ZNF236: variants seen among roughly 807,000 people sequenced by gnomAD.
The protein encoded by ZNF236 is zinc finger protein 236, also known as regulated by glucose.
ZNF236 carries 50 observed loss-of-function variants against 191.2 expected under a neutral mutation model. The observed-to-expected ratio is 0.26, with a 90% confidence interval of 0.21 to 0.33. The LOEUF is 0.33. Ranked by LOEUF, ZNF236 falls within the 10% of genes least tolerant of loss-of-function variation. The pLI, the probability that ZNF236 is intolerant of heterozygous loss-of-function variation, is 1.00. For synonymous variants in ZNF236, 907 were observed against 928.8 expected (o/e 0.98, Z 0.43); for missense variants, 1,754 against 2,374.5 (o/e 0.74, Z 5.43).
intron 7 of ZNF236, among the ~76,000 whole-genome samples, chr18:76,879,403 A>G (rs1248580478): frequency 6.6e-6 from 1 of 152,172 alleles, no homozygotes; most frequent in Admixed American, 6.5e-5. Flanking sequence ...GGTCGGGTAC[A>G]TTTGTTACAA....
intron 27 of ZNF236, among the ~76,000 whole-genome samples, chr18:76,949,899 CG>C (rs1968361081): frequency 6.6e-6 from 1 of 152,028 alleles, no homozygotes; most frequent in Non-Finnish European, 1.5e-5. Context: ...CTCAAGTGAT[CG>C]CCCACCTCAG....
At chr18:76,851,460 A>C (rs1020760259) in intron 2 of ZNF236, among the ~76,000 whole-genome samples, 4 of 152,136 alleles carry the variant, frequency 2.6e-5, no homozygotes, top group African/African-American at 9.7e-5. Context: ...ACATGTTTTA[A>C]AGGTTATCTT....
intron 20 of ZNF236, among the ~76,000 whole-genome samples, chr18:76,922,558 G>GT (rs1568231736): frequency 2.1e-5 from 3 of 142,326 alleles, no homozygotes; most frequent in Non-Finnish European, 3.1e-5. Context: ...TAAGGAAATT[G>GT]TCTTTTTTTT....
At chr18:76,891,439 C>G (rs1977230258) in intron 9 of ZNF236, among the ~76,000 whole-genome samples, 1 of 152,068 alleles carries the variant, frequency 6.6e-6, no homozygotes, top group African/African-American at 2.4e-5. Context: ...GTGCCACGAT[C>G]ATAGCTCACT....
At chr18:76,939,650 ATGT>A (rs1193350566) in intron 26 of ZNF236, among the ~76,000 whole-genome samples, 1 of 152,056 alleles carries the variant, frequency 6.6e-6, no homozygotes, top group Non-Finnish European at 1.5e-5. Context: ...TGCTGCTAAG[ATGT>A]TGTTTTTATA....
At chr18:76,912,154 G>T in intron 16 of ZNF236, 90 bp from the exon 17 acceptor site, 1 of 927,098 alleles carries the variant, frequency 1.1e-6, no homozygotes, top group South Asian at 1.6e-5. Flanking sequence ...TTTTATGAAT[G>T]TTCTTATCCT....
intron 1 of ZNF236, among the ~76,000 whole-genome samples, chr18:76,845,739 C>T (rs1241392354): frequency 6.6e-6 from 1 of 152,022 alleles, no homozygotes; most frequent in Non-Finnish European, 1.5e-5. Flanking sequence ...ATCCCATCTA[C>T]TTGGGAGGCT....
rs185401263 is a variant in ZNF236 at position 76,866,580 on chromosome 18, C to T, written c.364-2105C>T. The stretch of plus-strand genomic sequence containing the variant: ...CACGCTCTGGTCTTTTAGAGATGAT[C>T]GTATCTTCAGCAAGGTGGAGACAGA... On this transcript the variant is annotated intron_variant, in intron 3 of 30. Coordinates refer to ENST00000320610, the MANE Select transcript of ZNF236 (RefSeq NM_001306089.2). Among the ~76,000 whole-genome samples the T allele has an allele frequency of 4.6e-5, 7 of 152,308 alleles. No individual in the cohort carries two copies. In the East Asian group the frequency reaches 1.2e-3, roughly 25 times the overall value.
In ZNF236 at chr18:76,925,211, C is replaced by T. The variant is rs61739891; in HGVS notation, c.3684C>T (p.His1228=). 0.043 allele frequency: 68,887 copies of T among 1,613,898 alleles called. 1,672 individuals are homozygous for T. The highest frequency in any genetic ancestry group is 0.047 in the Non-Finnish European group (55,353 of 1,179,890). The change falls in exon 22 of 31, where the codon CAC becomes CAT. Residue 1228 remains histidine, a synonymous_variant. Transcript: ENST00000320610. This position sits in a 1 kb window ranked among gnomAD's most constrained non-coding sequence, Gnocchi z 5.7. ...THTGQKLFSC[H]VCSNAFSTKG... is the part of the protein sequence containing the mutation. Reference sequence around the variant, plus strand: ...CAGGTCAGAAGCTCTTCAGCTGTCACGTCTGCAGCAACGCCTTCTCCACGA... The same window carrying T: ...CAGGTCAGAAGCTCTTCAGCTGTCATGTCTGCAGCAACGCCTTCTCCACGA...
At chr18:76,910,565 C>A in intron 15 of ZNF236, 95 bp from the exon 16 acceptor site, 1 of 1,215,762 alleles carries the variant, frequency 8.2e-7, no homozygotes, top group Non-Finnish European at 1.1e-6. Flanking sequence ...ATAGAAATGC[C>A]CCTTTAGACA....
At chr18:76,838,949 C>G (rs1020183700) in intron 1 of ZNF236, among the ~76,000 whole-genome samples, 2 of 152,168 alleles carry the variant, frequency 1.3e-5, no homozygotes, top group African/African-American at 2.4e-5. Flanking sequence ...TTAGTTTTGC[C>G]TATTTGTTTA....
Position 76,925,603 on chromosome 18 carries a change from C to T in ZNF236, c.4027+49C>T, listed in dbSNP as rs757570980. On this transcript the variant is annotated intron_variant, in intron 22 of 30. Transcript: ENST00000320610. This position sits in a 1 kb window ranked among gnomAD's most constrained non-coding sequence, Gnocchi z 5.7. The stretch of plus-strand genomic sequence containing the variant: ...AGAGCAGCACAGTGATTGAACTGTT[C>T]TGTGCTGCTTCTGTCTGTTCCCACG... 3 of 1,582,700 alleles carry T rather than the reference C, an allele frequency of 1.9e-6. No individual in the cohort carries two copies. Among genetic ancestry groups the T allele is most frequent in the Admixed American group, 3.4e-5 (2 of 58,848 alleles).
intron 18 of ZNF236, among the ~76,000 whole-genome samples, chr18:76,914,250 A>G (rs995795838): frequency 2.6e-5 from 4 of 152,184 alleles, no homozygotes; most frequent in East Asian, 1.9e-4. Context: ...AGTTTCACCT[A>G]TGCTGTATGG....
intron 20 of ZNF236, among the ~76,000 whole-genome samples, chr18:76,920,846 C>G (rs542897629): frequency 3.3e-5 from 5 of 152,160 alleles, no homozygotes; most frequent in Non-Finnish European, 7.4e-5. Flanking sequence ...AAACCAAGAC[C>G]CATGGTAAAG....
Position 76,927,171 on chromosome 18 carries a change from A to C in ZNF236, c.4162A>C (p.Ile1388Leu), listed in dbSNP as rs1464341107. The C allele has an allele frequency of 1.2e-6, 2 of 1,613,936 alleles. No homozygotes were observed. ...AATCGATGCTGCCAGCATTAATAACATTACGTTGCAGGTATGACACCTTCC... is the reference window on the plus strand; with the variant it reads ...AATCGATGCTGCCAGCATTAATAACCTTACGTTGCAGGTATGACACCTTCC... ...SGIDAASINN[I>L]TLQIDPSILQ... The change falls in exon 23 of 31, where the codon ATT becomes CTT. Residue 1388 changes from isoleucine to leucine, a missense_variant. This residue lies in a region of ZNF236 where 606 missense variants were observed against 761.5 expected (regional missense o/e 0.80). Transcript: ENST00000320610. The surrounding 1 kb of genome is among the most constrained non-coding windows in gnomAD (Gnocchi z 5.4).
chr18:76,880,134 C>G lies in ZNF236; in HGVS notation c.1006C>G (p.Pro336Ala). Reference sequence around the variant, plus strand: ...TCAGGCCACACTTTTTCAGACGTTACCTCTTCAACAGACGGAAGCCCAAGC... The same window carrying G: ...TCAGGCCACACTTTTTCAGACGTTAGCTCTTCAACAGACGGAAGCCCAAGC... ...VLTATLFQTL[P>A]LQQTEAQATS... Residue 336 changes from proline (P) to alanine (A), a missense_variant, in exon 8 of 31, where the codon CCT (proline) becomes GCT (alanine). Physicochemically the swap from Pro to Ala is conservative, Grantham distance 27. This residue lies in a region of ZNF236 where 336 missense variants were observed against 495.1 expected (regional missense o/e 0.68). Coordinates refer to ENST00000320610, the MANE Select transcript of ZNF236 (RefSeq NM_001306089.2). The surrounding 1 kb of genome is among the most constrained non-coding windows in gnomAD (Gnocchi z 5.0). 6.2e-7 allele frequency: 1 copy of G among 1,613,384 alleles called. No individual in the cohort carries two copies.
intron 26 of ZNF236, among the ~76,000 whole-genome samples, chr18:76,937,932 A>T (rs1332273849): frequency 6.6e-6 from 1 of 152,242 alleles, no homozygotes; most frequent in African/African-American, 2.4e-5. Context: ...AAGGTGAATT[A>T]TAACAAAGCT....
At chr18:76,920,084 G>A (rs1401458856) in intron 20 of ZNF236, 26 bp downstream of exon 20, 1 of 1,598,734 alleles carries the variant, frequency 6.3e-7, no homozygotes, top group Non-Finnish European at 8.5e-7. Flanking sequence ...CGCCGCGCGG[G>A]TTCCGCTCTG....
chr18:76,895,710 C>T (rs181638633), intron 10 of ZNF236, among the ~76,000 whole-genome samples: 1 of 151,656 alleles, frequency 6.6e-6, no homozygotes, highest in East Asian at 1.9e-4. Context: ...GAACACAGTA[C>T]TGCTCACGGG....
Sources: allele counts gnomAD v4.1 joint callset (sites outside exome capture counted in the v4.1 genomes callset), GRCh38; gene constraint gnomAD v4.1.1; regional missense constraint gnomAD v4.1.1; non-coding constraint Gnocchi (gnomAD v3.1); transcripts MANE v1.5; gene names NCBI Gene and HGNC (gene_info 2026-07-23, HGNC 2026-07-21).